The following PRKG1 variants were observed in gnomAD, a reference collection of about 807,000 sequenced individuals.
PRKG1 encodes the protein cGMP-dependent protein kinase 1.
PRKG1 carries 35 observed loss-of-function variants against 88.1 expected under a neutral mutation model. The ratio of observed to expected loss-of-function variants is 0.40; its 90% confidence interval spans 0.30 to 0.53. The LOEUF (loss-of-function observed/expected upper bound fraction) is 0.53. Among genes scored for constraint, PRKG1 ranks in the 20% least tolerant of loss-of-function variants. The pLI is 0.59. For missense variants in PRKG1, 540 were observed against 839.8 expected, an observed-to-expected ratio of 0.64 and a Z score of 4.41; for synonymous variants, 303 against 292.5, an observed-to-expected ratio of 1.04 and a Z score of -0.37.
chr10:51,481,192 CCTCT>C (rs770693368), intron 3 of PRKG1, among the ~76,000 whole-genome samples: 1,494 of 142,672 alleles, frequency 0.01, 34 homozygotes, highest in Admixed American at 0.018. Flanking sequence ...TCCTTCCCTC[CCTCT>C]CTCCCTCCCT....
chr10:52,120,871 A>C (rs77350741), intron 7 of PRKG1, among the ~76,000 whole-genome samples: 4 of 152,168 alleles, frequency 2.6e-5, no homozygotes, highest in African/African-American at 9.6e-5. Flanking sequence ...TTGCCCTAGC[A>C]GTGGCTCTCT....
intron 2 of PRKG1, among the ~76,000 whole-genome samples, chr10:51,232,743 C>A (rs1838878587): frequency 6.6e-6 from 1 of 152,142 alleles, no homozygotes; most frequent in African/African-American, 2.4e-5. Context: ...AGTGCAAATT[C>A]TTGTCCTCCC....
chr10:51,531,567 G>A (rs118112682), intron 3 of PRKG1, among the ~76,000 whole-genome samples: 4,821 of 150,236 alleles, frequency 0.032, 126 homozygotes, highest in Middle Eastern at 0.081. Flanking sequence ...GAGCAAAGTT[G>A]CCACTTGTCA....
intron 1 of PRKG1, among the ~76,000 whole-genome samples, chr10:51,089,763 G>C (rs945576576): frequency 1.3e-5 from 2 of 152,144 alleles, no homozygotes; most frequent in African/African-American, 4.8e-5. Flanking sequence ...AAATAATGGA[G>C]GACAGATCAT....
At chr10:51,940,061 C>A (rs1325010114) in intron 5 of PRKG1, among the ~76,000 whole-genome samples, 1 of 151,932 alleles carries the variant, frequency 6.6e-6, no homozygotes, top group Non-Finnish European at 1.5e-5. Flanking sequence ...CTAGTCCCCA[C>A]CAGAAACTTA....
intron 2 of PRKG1, among the ~76,000 whole-genome samples, chr10:51,198,414 C>T (rs995456472): frequency 3.3e-5 from 5 of 152,126 alleles, no homozygotes; most frequent in Admixed American, 3.3e-4. Flanking sequence ...GTCTTCCATT[C>T]GAATAAATAT....
chr10:51,153,582 A>C (rs1380475917), intron 2 of PRKG1, among the ~76,000 whole-genome samples: 1 of 152,028 alleles, frequency 6.6e-6, no homozygotes, highest in Non-Finnish European at 1.5e-5. Context: ...TGAAAAAAGA[A>C]ATATAGTTTA....
chr10:51,036,783 A>G (rs1843359292), intron 1 of PRKG1, among the ~76,000 whole-genome samples: 1 of 152,204 alleles, frequency 6.6e-6, no homozygotes, highest in East Asian at 1.9e-4. Flanking sequence ...CCAGCTGTGT[A>G]TCTAGCACAT....
intron 3 of PRKG1, among the ~76,000 whole-genome samples, chr10:51,519,651 G>A (rs1254290139): frequency 1.3e-5 from 2 of 152,080 alleles, no homozygotes; most frequent in Non-Finnish European, 2.9e-5. Context: ...CTTGAATCCT[G>A]AGGCATCTCA....
chr10:51,906,854 G>C (rs890675772), intron 4 of PRKG1, among the ~76,000 whole-genome samples: 4 of 152,078 alleles, frequency 2.6e-5, no homozygotes, highest in Admixed American at 2.6e-4. Context: ...TATATTTTGG[G>C]GTAAAATACT....
At chr10:51,961,145 A>C (rs1313413653) in intron 5 of PRKG1, among the ~76,000 whole-genome samples, 1 of 152,188 alleles carries the variant, frequency 6.6e-6, no homozygotes, top group Non-Finnish European at 1.5e-5. Context: ...TATTATTTCT[A>C]CAGAACTAAC....
intron 1 of PRKG1, among the ~76,000 whole-genome samples, chr10:51,055,927 C>T (rs533884075): frequency 1.4e-4 from 22 of 152,218 alleles, no homozygotes; most frequent in African/African-American, 4.8e-4. Flanking sequence ...CTTGATTCTA[C>T]ATTACTTATG....
At position 51,250,729 on chromosome 10, in the gene PRKG1, G is replaced by A. The variant is rs61849746; in HGVS notation, c.478+97399G>A. Reference sequence around the variant, plus strand: ...ATGGAATTGTGCAAGAGTAATGAAGGGATGAGAAATGCATCTCCTTTGACA... The same window carrying A: ...ATGGAATTGTGCAAGAGTAATGAAGAGATGAGAAATGCATCTCCTTTGACA... On this transcript the variant is annotated intron_variant, in intron 2 of 17. Transcript: ENST00000373980. 6.0e-3 allele frequency among the ~76,000 whole-genome samples: 913 copies of A among 151,828 alleles called. 9 individuals carry two copies. Among genetic ancestry groups the A allele is most frequent in the Middle Eastern group, 0.027 (8 of 294 alleles).
chr10:51,871,440 C>T (rs1841155139), intron 4 of PRKG1, among the ~76,000 whole-genome samples: 1 of 152,158 alleles, frequency 6.6e-6, no homozygotes, highest in Non-Finnish European at 1.5e-5. Flanking sequence ...GCCTGGCCTC[C>T]CCATCCTGAT....
rs78733872 is a variant in PRKG1 at position 51,788,175 on chromosome 10, T to A, written c.593-16410T>A. The stretch of plus-strand genomic sequence containing the variant: ...CTATGGAAGATACCAGTGATCCTTT[T>A]GTAAAATACAGATTCCACTGTGTCT... On this transcript the variant is annotated intron_variant, in intron 3 of 17. Coordinates refer to ENST00000373980, the MANE Select transcript of PRKG1 (RefSeq NM_006258.4). Among the ~76,000 whole-genome samples, 91 of 152,314 alleles carry A rather than the reference T, an allele frequency of 6.0e-4. No individual in the cohort carries two copies. The East Asian group carries it at 0.015, about 26-fold the overall frequency.
chr10:51,852,383 G>T (rs918916173), intron 4 of PRKG1, among the ~76,000 whole-genome samples: 17 of 151,680 alleles, frequency 1.1e-4, no homozygotes, highest in African/African-American at 4.1e-4. Context: ...CATAGAGAGA[G>T]AGAGAGAGAG....
intron 4 of PRKG1, among the ~76,000 whole-genome samples, chr10:51,845,890 A>T (rs1840385379): frequency 6.6e-6 from 1 of 152,070 alleles, no homozygotes; most frequent in South Asian, 2.1e-4. Flanking sequence ...TCCTTTACTG[A>T]AAGTTATTTA....
intron 2 of PRKG1, among the ~76,000 whole-genome samples, chr10:51,228,487 A>T (rs903941596): frequency 6.6e-6 from 1 of 152,294 alleles, no homozygotes; most frequent in East Asian, 1.9e-4. Context: ...AACTCTTCAT[A>T]TGTAATCCTG....
At chr10:51,127,425 C>A (rs1201880076) in intron 1 of PRKG1, among the ~76,000 whole-genome samples, 1 of 152,036 alleles carries the variant, frequency 6.6e-6, no homozygotes, top group African/African-American at 2.4e-5. Context: ...CTCACACCAG[C>A]CAGAATGGAG....
Sources: gnomAD v4.1 joint callset for allele counts (sites outside exome capture counted in the v4.1 genomes callset) on GRCh38, gnomAD v4.1.1 for gene constraint, MANE v1.5 for transcripts, NCBI Gene and HGNC (gene_info 2026-07-23, HGNC 2026-07-21) for gene names.